Variants in TRAF2 observed in about 807,000 individuals in gnomAD.
The protein encoded by TRAF2 is TNF receptor-associated factor 2.
TRAF2 carries 6 observed loss-of-function variants against 55.6 expected under a neutral mutation model. The observed-to-expected ratio is 0.11, with a 90% CI of 0.06 to 0.21. The LOEUF is 0.21. TRAF2 is among the 10% of genes least tolerant of loss of function. TRAF2 has a pLI of 1.00. For synonymous variants in TRAF2, 329 were observed against 276.3 expected (o/e 1.19, Z -1.89); for missense variants, 561 against 684.5 (o/e 0.82, Z 2.01).
At chr9:136,918,448 C>G (rs1465202841) in intron 7 of TRAF2, among the ~76,000 whole-genome samples, 1 of 151,382 alleles carries the variant, frequency 6.6e-6, no homozygotes, top group East Asian at 1.9e-4. Flanking sequence ...TGCCACCACA[C>G]CCGGCTAATT....
chr9:136,904,908 G>A (rs143992278), intron 4 of TRAF2, among the ~76,000 whole-genome samples: 1 of 152,302 alleles, frequency 6.6e-6, no homozygotes, highest in Non-Finnish European at 1.5e-5. Flanking sequence ...TCAGGGAGTT[G>A]GTTCCTTTAG....
intron 1 of TRAF2, among the ~76,000 whole-genome samples, chr9:136,889,066 A>C: frequency 6.6e-6 from 1 of 152,086 alleles, no homozygotes; most frequent in Non-Finnish European, 1.5e-5. Context: ...GGGTTTCACC[A>C]TGTTAGCCAG....
At chr9:136,922,883 G>A (rs1588446036) in intron 9 of TRAF2, among the ~76,000 whole-genome samples, 1 of 146,650 alleles carries the variant, frequency 6.8e-6, no homozygotes, top group East Asian at 2.0e-4. Flanking sequence ...GGCACGAGGT[G>A]GAGAGGACTA....
At chr9:136,920,709 C>T (rs1192777262) in intron 8 of TRAF2, among the ~76,000 whole-genome samples, 194 bp downstream of exon 8, 1 of 152,198 alleles carries the variant, frequency 6.6e-6, no homozygotes, top group Non-Finnish European at 1.5e-5. Context: ...ATCTAAGGGG[C>T]CCAAACCCTG....
intron 1 of TRAF2, among the ~76,000 whole-genome samples, chr9:136,897,304 T>TAGAG (rs10667364): frequency 0.81 from 123,229 of 152,068 alleles, 50,277 homozygotes; most frequent in African/African-American, 0.9. Flanking sequence ...CCTTGGTGCT[T>TAGAG]AGGCAGAAGG....
chr9:136,916,756 C>T (rs922016354), intron 7 of TRAF2, 141 bp downstream of exon 7: 31 of 794,744 alleles, frequency 3.9e-5, no homozygotes, highest in African/African-American at 3.3e-4. Flanking sequence ...CCCGGCTGTC[C>T]GAGTGTTCCC....
At position 136,923,890 on chromosome 9, in the gene TRAF2, C is replaced by T. The variant is rs972932325; in HGVS notation, c.1177C>T (p.Arg393Cys). The change falls in exon 10 of 11, where the codon CGT becomes TGT. Residue 393 changes from arginine (R) to cysteine (C), a missense_variant. By Grantham distance (180) the Arg-to-Cys change is radical. Around this residue, in one of 2 missense-constraint regions of TRAF2, gnomAD observed 135 missense variants for 207.7 expected, o/e 0.65. Transcript: ENST00000247668. Reference protein sequence around the residue: ...TSRYGYKMCLRIYLNGDGTGR... With the variant: ...TSRYGYKMCLCIYLNGDGTGR... ...CAGGTACGGCTACAAGATGTGTCTGCGTATCTACCTGAACGGCGACGGCAC... is the reference window on the plus strand; with the variant it reads ...CAGGTACGGCTACAAGATGTGTCTGTGTATCTACCTGAACGGCGACGGCAC... 2 of 1,613,726 alleles carry T rather than the reference C, an allele frequency of 1.2e-6. No individual in the cohort carries two copies. The highest frequency in any genetic ancestry group is 1.3e-5 in the African/African-American group (1 of 74,910).
chr9:136,903,199 C>T (rs1849862126), intron 4 of TRAF2, among the ~76,000 whole-genome samples: 1 of 152,230 alleles, frequency 6.6e-6, no homozygotes, highest in South Asian at 2.1e-4. Flanking sequence ...GATCCATCCA[C>T]CTTGGCCTCC....
At position 136,908,060 on chromosome 9, in the gene TRAF2, T is replaced by C. The variant is rs760693897; in HGVS notation, c.367-10T>C. 6.3e-7 allele frequency: 1 copy of C among 1,596,302 alleles called. No individual in the cohort carries two copies. Among genetic ancestry groups the C allele is most frequent in the South Asian group, 1.1e-5 (1 of 90,236 alleles). On this transcript the variant is annotated splice_polypyrimidine_tract_variant and intron_variant, in intron 4 of 10. Coordinates refer to ENST00000247668, the MANE Select transcript of TRAF2 (RefSeq NM_021138.4). ...CGAGTTCTACTGACGCTTCCTCCTT[T>C]CGTTGCTAGAGCTGCCACGAAGGCC... is the stretch of plus-strand genomic sequence containing the variant.
intron 1 of TRAF2, among the ~76,000 whole-genome samples, chr9:136,887,636 A>G (rs1307504982): frequency 6.6e-6 from 1 of 152,012 alleles, no homozygotes; most frequent in Non-Finnish European, 1.5e-5. Flanking sequence ...TTTTGAAGGG[A>G]CGGAATTACT....
intron 1 of TRAF2, 29 bp from the exon 2 acceptor site, chr9:136,898,684 G>A (rs1849743290): frequency 6.2e-7 from 1 of 1,608,402 alleles, no homozygotes; most frequent in Non-Finnish European, 8.5e-7. Flanking sequence ...CTGGAATTGA[G>A]GTGTAACGTG....
chr9:136,886,522 G>T lies in TRAF2; in HGVS notation c.-48G>T. On this transcript the variant is annotated 5_prime_UTR_variant, in exon 1 of 11. Coordinates refer to ENST00000247668, the MANE Select transcript of TRAF2 (RefSeq NM_021138.4). Reference sequence around the variant, plus strand: ...GGTAGCTGGGCGGGCCCTTAGTTCCGGGCGCGCTGCGACCGTTGGGTGAGG... The same window carrying T: ...GGTAGCTGGGCGGGCCCTTAGTTCCTGGCGCGCTGCGACCGTTGGGTGAGG... 1.0e-6 allele frequency: 1 copy of T among 990,438 alleles called. No homozygotes were observed. Among genetic ancestry groups the T allele is most frequent in the Non-Finnish European group, 1.2e-6 (1 of 833,390 alleles). The allele number at this position is 990,438 out of a possible 1,614,324, so 61.4% of individuals were successfully genotyped here.
intron 7 of TRAF2, among the ~76,000 whole-genome samples, chr9:136,919,894 T>A (rs556959790): frequency 6.6e-6 from 1 of 151,996 alleles, no homozygotes; most frequent in South Asian, 2.1e-4. Flanking sequence ...TTTTAAAAAT[T>A]TTTTGTAGAC....
Position 136,908,234 on chromosome 9 carries a change from G to A in TRAF2, c.528+3G>A. 6.4e-7 allele frequency: 1 copy of A among 1,571,762 alleles called. No individual in the cohort carries two copies. The highest frequency in any genetic ancestry group is 8.6e-7 in the Non-Finnish European group (1 of 1,166,952). On this transcript the variant is annotated splice_donor_region_variant and intron_variant, in intron 5 of 10. Transcript: ENST00000247668. ...CCTGCTGCGGAGCAGACGTGAAGGT[G>A]CGTGGGGTGGAGCAGCAGCCTGTGT...
In TRAF2 at chr9:136,887,900, G is replaced by A. The variant is rs913795656; in HGVS notation, c.-29+1359G>A. Among the ~76,000 whole-genome samples the A allele has an allele frequency of 3.9e-5, 6 of 152,078 alleles. No individual in the cohort carries two copies. The South Asian group carries it at 8.3e-4, about 21-fold the overall frequency. ...TTTATTTATTTTTTGAGATAGTTTT[G>A]GTCTTGTTGCCCAGGCTGGAGTGCA... is the stretch of plus-strand genomic sequence containing the variant. On this transcript the variant is annotated intron_variant, in intron 1 of 10. Transcript: ENST00000247668.
chr9:136,897,296 T>C (rs904237236), intron 1 of TRAF2, among the ~76,000 whole-genome samples: 38 of 53,378 alleles, frequency 7.1e-4, no homozygotes, highest in African/African-American at 3.8e-3. Flanking sequence ...ACTGGTGGCC[T>C]TGGTGCTTAG....
chr9:136,925,958 G>A lies in TRAF2; in HGVS notation c.*57G>A, dbSNP rs1413762889. 1 of 1,600,446 alleles carries A rather than the reference G, an allele frequency of 6.2e-7. No homozygotes were observed. The highest frequency in any genetic ancestry group is 8.5e-7 in the Non-Finnish European group (1 of 1,170,388). Reference sequence around the variant, plus strand: ...CAGCCAGGCACAGCCGGCTCACGGAGGGGCCACCACGCTGGGCCAGGGTCT... The same window carrying A: ...CAGCCAGGCACAGCCGGCTCACGGAAGGGCCACCACGCTGGGCCAGGGTCT... On this transcript the variant is annotated 3_prime_UTR_variant, in exon 11 of 11. Coordinates refer to ENST00000247668, the MANE Select transcript of TRAF2 (RefSeq NM_021138.4).
At chr9:136,898,328 G>A (rs910588599) in intron 1 of TRAF2, among the ~76,000 whole-genome samples, 1 of 152,204 alleles carries the variant, frequency 6.6e-6, no homozygotes, top group Non-Finnish European at 1.5e-5. Flanking sequence ...AACCATGGGG[G>A]AGACCAAAGG....
In TRAF2 at chr9:136,908,167, A is replaced by G. The variant is rs778291183; in HGVS notation, c.464A>G (p.Glu155Gly). 3.7e-6 allele frequency: 6 copies of G among 1,602,646 alleles called. No homozygotes were observed. In the East Asian group the frequency reaches 1.3e-4, roughly 36 times the overall value. The change falls in exon 5 of 11, where the codon GAG becomes GGG. Residue 155 changes from glutamate (E) to glycine (G), a missense_variant. Glu to Gly is a moderately conservative substitution (Grantham distance 98). Around this residue, in one of 2 missense-constraint regions of TRAF2, gnomAD observed 426 missense variants for 476.8 expected, o/e 0.89. Transcript: ENST00000247668. ...GAAAAGGAGCGCCACCTGGAGCACG[A>G]GTGCCCGGAGAGAAGCCTGAGCTGC... is the stretch of plus-strand genomic sequence containing the variant. ...LGEKERHLEHECPERSLSCRH... is the reference protein window; with the variant it reads ...LGEKERHLEHGCPERSLSCRH...
Sources: gnomAD v4.1 joint callset for allele counts (sites outside exome capture counted in the v4.1 genomes callset) on GRCh38, gnomAD v4.1.1 for gene constraint, gnomAD v4.1.1 regional missense constraint, MANE v1.5 for transcripts, NCBI Gene and HGNC (gene_info 2026-07-23, HGNC 2026-07-21) for gene names.